The following ITGB6 variants were observed in gnomAD, a reference collection of about 807,000 sequenced individuals.
The protein encoded by ITGB6 is integrin beta-6.
A neutral mutation model predicts 84.5 loss-of-function variants in ITGB6; 80 were observed. The observed-to-expected ratio is 0.95, with a 90% CI of 0.79 to 1.14. The LOEUF is 1.14. Among genes scored for constraint, ITGB6 ranks in the 50% most tolerant of loss-of-function variants. The pLI, the probability that ITGB6 is intolerant of heterozygous loss-of-function variation, is 0.00. For missense variants in ITGB6, 1,006 were observed against 968.0 expected, an observed-to-expected ratio of 1.04 and a Z score of -0.52; for synonymous variants, 383 against 354.9, an observed-to-expected ratio of 1.08 and a Z score of -0.89.
chr2:160,131,682 A>C (rs1683475828), intron 10 of ITGB6, among the ~76,000 whole-genome samples: 1 of 152,194 alleles, frequency 6.6e-6, no homozygotes, highest in Admixed American at 6.5e-5. Context: ...GTTACTAAAA[A>C]CCAAAATAGC....
At chr2:160,195,276 G>C in intron 4 of ITGB6, 93 bp downstream of exon 4, 2 of 1,498,862 alleles carry the variant, frequency 1.3e-6, no homozygotes, top group South Asian at 1.2e-5. Context: ...GAAATGCCAG[G>C]GAGTTAGCAA....
intron 10 of ITGB6, among the ~76,000 whole-genome samples, chr2:160,132,168 G>A (rs1683495144): frequency 6.6e-6 from 1 of 152,102 alleles, no homozygotes; most frequent in Admixed American, 6.6e-5. Flanking sequence ...CCTTTGGCTG[G>A]CTTCTTGTCA....
At chr2:160,126,101 T>G (rs1283666571) in intron 11 of ITGB6, among the ~76,000 whole-genome samples, 2 of 152,172 alleles carry the variant, frequency 1.3e-5, no homozygotes, top group African/African-American at 4.8e-5. Context: ...CGATCTGATG[T>G]TATCAGTGTG....
At chr2:160,162,103 A>C (rs1290374899) in intron 7 of ITGB6, among the ~76,000 whole-genome samples, 1 of 152,220 alleles carries the variant, frequency 6.6e-6, no homozygotes, top group Admixed American at 6.5e-5. Flanking sequence ...CAAAGTTTTA[A>C]TACCTGGCAG....
chr2:160,157,748 C>CAAAAAAA (rs11364475), intron 7 of ITGB6, among the ~76,000 whole-genome samples: 1 of 84,146 alleles, frequency 1.2e-5, no homozygotes, highest in African/African-American at 4.7e-5. Context: ...AGCACAGAGG[C>CAAAAAAA]AAAAAAAAAA....
At chr2:160,128,466 A>G (rs1683324857) in intron 10 of ITGB6, among the ~76,000 whole-genome samples, 1 of 152,198 alleles carries the variant, frequency 6.6e-6, no homozygotes, top group Non-Finnish European at 1.5e-5. Context: ...AAGAGCTTCT[A>G]TCCTGAAAGT....
intron 4 of ITGB6, among the ~76,000 whole-genome samples, chr2:160,189,480 C>T (rs1686048072): frequency 6.6e-6 from 1 of 152,144 alleles, no homozygotes; most frequent in Non-Finnish European, 1.5e-5. Context: ...TATCCAGAAT[C>T]TACAATGAAC....
chr2:160,148,266 C>T (rs1684274317), intron 7 of ITGB6, among the ~76,000 whole-genome samples: 1 of 152,158 alleles, frequency 6.6e-6, no homozygotes, highest in Non-Finnish European at 1.5e-5. Context: ...TACCTTTATG[C>T]ATGTATTAGA....
In ITGB6 at chr2:160,169,192, C is replaced by G. The variant is rs1209193335; in HGVS notation, c.1017+20G>C. ...TCACATAATCTCCTTGAAGGAATTT[C>G]CCAAGTTATTTTTGCTTACCTCATA... On this transcript the variant is annotated intron_variant, in intron 7 of 14. Coordinates refer to ENST00000283249, the MANE Select transcript of ITGB6 (RefSeq NM_000888.5). 7.0e-7 allele frequency: 1 copy of G among 1,420,096 alleles called. No homozygotes were observed. The highest frequency in any genetic ancestry group is 1.4e-5 in the African/African-American group (1 of 70,196). The allele number at this position is 1,420,096 out of a possible 1,614,324, so 88.0% of individuals were successfully genotyped here.
chr2:160,136,292 A>G (rs1045786054), intron 10 of ITGB6, among the ~76,000 whole-genome samples: 3 of 152,254 alleles, frequency 2.0e-5, no homozygotes, highest in Non-Finnish European at 4.4e-5. Context: ...CAAAAGACAC[A>G]TGAAAAAATG....
intron 7 of ITGB6, among the ~76,000 whole-genome samples, chr2:160,156,758 G>A (rs1252392261): frequency 6.6e-6 from 1 of 152,184 alleles, no homozygotes; most frequent in Non-Finnish European, 1.5e-5. Flanking sequence ...CATCCAGCCA[G>A]GAAGTAGTAG....
chr2:160,153,197 G>T (rs970708789), intron 7 of ITGB6, among the ~76,000 whole-genome samples: 2 of 152,186 alleles, frequency 1.3e-5, no homozygotes, highest in South Asian at 2.1e-4. Context: ...ATGCTACAAG[G>T]CTACAGTAAC....
chr2:160,153,808 T>G (rs1684519409), intron 7 of ITGB6, among the ~76,000 whole-genome samples: 1 of 152,084 alleles, frequency 6.6e-6, no homozygotes. Context: ...AAGACATTTA[T>G]GCAGCCAACA....
chr2:160,123,118 T>G (rs1683105257), intron 12 of ITGB6, among the ~76,000 whole-genome samples: 1 of 152,200 alleles, frequency 6.6e-6, no homozygotes, highest in Non-Finnish European at 1.5e-5. Context: ...AACAAGCTAT[T>G]TAAATATTTG....
intron 7 of ITGB6, among the ~76,000 whole-genome samples, chr2:160,153,420 C>G (rs188309227): frequency 6.6e-6 from 1 of 152,274 alleles, no homozygotes; most frequent in East Asian, 1.9e-4. Context: ...TTCCTTACAC[C>G]TTATACAAAA....
At chr2:160,167,252 C>T (rs1168056555) in intron 7 of ITGB6, among the ~76,000 whole-genome samples, 2 of 152,152 alleles carry the variant, frequency 1.3e-5, no homozygotes, top group Admixed American at 6.5e-5. Context: ...ATTAGTGGAC[C>T]GTTTTCAGTT....
At chr2:160,139,432 T>C (rs1367263983) in intron 8 of ITGB6, among the ~76,000 whole-genome samples, 1 of 152,148 alleles carries the variant, frequency 6.6e-6, no homozygotes, top group East Asian at 1.9e-4. Context: ...TGTGTAAGTT[T>C]GCCAAATGTA....
Position 160,171,571 on chromosome 2 carries a change from G to A in ITGB6, c.921+998C>T, listed in dbSNP as rs1044076872. Among the ~76,000 whole-genome samples, 7 of 152,044 alleles carry A rather than the reference G, an allele frequency of 4.6e-5. No homozygotes were observed. The South Asian group carries it at 8.3e-4, about 18-fold the overall frequency. On this transcript the variant is annotated intron_variant, in intron 6 of 14. Transcript: ENST00000283249. ...AGGATGGTCTCCATCTCCTGACCTC[G>A]TGATCCACCGCCTCGGCCTCCCAAA...
At chr2:160,180,125 A>C (rs564317344) in intron 4 of ITGB6, among the ~76,000 whole-genome samples, 104 of 149,522 alleles carry the variant, frequency 7.0e-4, no homozygotes, top group African/African-American at 1.3e-3. Flanking sequence ...AAAAAAAAAA[A>C]AAACAAACAA....
Sources: allele counts gnomAD v4.1 joint callset (sites outside exome capture counted in the v4.1 genomes callset), GRCh38; gene constraint gnomAD v4.1.1; transcripts MANE v1.5; gene names NCBI Gene and HGNC (gene_info 2026-07-23, HGNC 2026-07-21).